Variants in PTPRD observed in about 807,000 individuals in gnomAD.
The protein encoded by PTPRD is protein tyrosine phosphatase receptor type D.
A neutral mutation model predicts 214.5 loss-of-function variants in PTPRD; 34 were observed. The observed-to-expected ratio is 0.16, with a 90% CI of 0.12 to 0.21. The LOEUF is 0.21. Ranked by LOEUF, PTPRD falls within the 10% of genes least tolerant of loss-of-function variation. PTPRD has a pLI of 1.00. For synonymous variants in PTPRD, 1,128 were observed against 845.7 expected (o/e 1.33, Z -5.79); for missense variants, 2,545 against 2,398.7 (o/e 1.06, Z -1.27).
chr9:9,362,184 G>A (rs547417319), intron 9 of PTPRD, among the ~76,000 whole-genome samples: 13 of 151,068 alleles, frequency 8.6e-5, no homozygotes, highest in African/African-American at 2.4e-4. Flanking sequence ...GCAAATATGT[G>A]GTTGGGAAGT....
chr9:8,599,961 G>A (rs1482350634), intron 14 of PTPRD, among the ~76,000 whole-genome samples: 1 of 152,102 alleles, frequency 6.6e-6, no homozygotes, highest in South Asian at 2.1e-4. Context: ...GTGAGCACTC[G>A]CAGTGCCTAA....
chr9:8,539,996 A>T (rs915895150), intron 14 of PTPRD, among the ~76,000 whole-genome samples: 8 of 152,124 alleles, frequency 5.3e-5, no homozygotes, highest in African/African-American at 1.9e-4. Flanking sequence ...GTCCCATTGT[A>T]GTTAGGTAGG....
At chr9:10,474,954 G>A (rs575020029) in intron 2 of PTPRD, among the ~76,000 whole-genome samples, 2 of 151,972 alleles carry the variant, frequency 1.3e-5, no homozygotes, top group South Asian at 2.1e-4. Context: ...AAGAGACAAC[G>A]TACCAGTGTC....
At chr9:9,443,776 C>T (rs2089284948) in intron 8 of PTPRD, among the ~76,000 whole-genome samples, 1 of 152,052 alleles carries the variant, frequency 6.6e-6, no homozygotes, top group Non-Finnish European at 1.5e-5. Flanking sequence ...AATAGAAGTG[C>T]CAAGCTGACC....
At chr9:8,849,933 G>A (rs12685098) in intron 11 of PTPRD, among the ~76,000 whole-genome samples, 22,838 of 152,092 alleles carry the variant, frequency 0.15, 2,010 homozygotes, top group East Asian at 0.32. Context: ...AAGAAGCTGC[G>A]TATGGAGTGC....
chr9:8,653,922 C>T (rs937359095), intron 12 of PTPRD, among the ~76,000 whole-genome samples: 3 of 152,160 alleles, frequency 2.0e-5, no homozygotes, highest in Non-Finnish European at 4.4e-5. Flanking sequence ...TCAATTGTCC[C>T]ATCTCCCTAC....
intron 4 of PTPRD, among the ~76,000 whole-genome samples, chr9:9,941,773 C>T (rs1277316633): frequency 6.6e-6 from 1 of 152,118 alleles, no homozygotes; most frequent in Admixed American, 6.6e-5. Context: ...AAGGAAACTC[C>T]AGTCACTTTT....
At chr9:8,875,350 G>C (rs2098376281) in intron 11 of PTPRD, among the ~76,000 whole-genome samples, 1 of 148,434 alleles carries the variant, frequency 6.7e-6, no homozygotes, top group Non-Finnish European at 1.5e-5. Flanking sequence ...GAATGAGACT[G>C]ATCTCTACAA....
chr9:8,993,474 ATTTG>A (rs2099385384), intron 11 of PTPRD, among the ~76,000 whole-genome samples: 3 of 152,036 alleles, frequency 2.0e-5, no homozygotes, highest in Non-Finnish European at 2.9e-5. Context: ...TCTGTTGAAA[ATTTG>A]TTTGTTTCTA....
chr9:10,219,827 G>A (rs982661090), intron 3 of PTPRD, among the ~76,000 whole-genome samples: 4 of 151,248 alleles, frequency 2.6e-5, no homozygotes, highest in South Asian at 2.1e-4. Flanking sequence ...ACTATTTTGT[G>A]GCTGTTAGCC....
intron 4 of PTPRD, among the ~76,000 whole-genome samples, chr9:9,987,061 C>T (rs139303782): frequency 1.6e-4 from 25 of 152,050 alleles, no homozygotes; most frequent in Middle Eastern, 3.4e-3. Flanking sequence ...AAAGGGAAAT[C>T]GAGAGAGCTT....
intron 3 of PTPRD, among the ~76,000 whole-genome samples, chr9:10,274,989 G>T (rs2094600075): frequency 6.6e-6 from 1 of 152,068 alleles, no homozygotes; most frequent in South Asian, 2.1e-4. Flanking sequence ...ATGTAACTAG[G>T]TATTGCATAC....
intron 5 of PTPRD, among the ~76,000 whole-genome samples, chr9:9,863,354 G>C (rs745386430): frequency 3.9e-5 from 6 of 152,110 alleles, no homozygotes; most frequent in African/African-American, 9.7e-5. Context: ...AAGTTTTCTA[G>C]CTCGACACCC....
intron 8 of PTPRD, among the ~76,000 whole-genome samples, chr9:9,442,897 T>G (rs748649597): frequency 7.4e-4 from 112 of 152,330 alleles, no homozygotes; most frequent in Non-Finnish European, 1.2e-3. Context: ...CATTGTGGTG[T>G]GCATCTGTAC....
intron 8 of PTPRD, among the ~76,000 whole-genome samples, chr9:9,538,405 A>T (rs2076937312): frequency 6.6e-6 from 1 of 152,008 alleles, no homozygotes; most frequent in Non-Finnish European, 1.5e-5. Flanking sequence ...ATATATGTAT[A>T]TATTTAGTAG....
At chr9:9,260,312 C>T (rs2099979524) in intron 9 of PTPRD, among the ~76,000 whole-genome samples, 1 of 151,758 alleles carries the variant, frequency 6.6e-6, no homozygotes, top group African/African-American at 2.4e-5. Flanking sequence ...ATCTTGACTC[C>T]AAAGACTACT....
chr9:9,760,625 C>A (rs1476594264), intron 6 of PTPRD, among the ~76,000 whole-genome samples: 1 of 137,922 alleles, frequency 7.3e-6, no homozygotes, highest in Non-Finnish European at 1.6e-5. Flanking sequence ...CACACACACA[C>A]ACACACACAC....
chr9:8,339,439 T>C (rs189825407), intron 42 of PTPRD, among the ~76,000 whole-genome samples: 2 of 152,166 alleles, frequency 1.3e-5, no homozygotes, highest in African/African-American at 4.8e-5. Flanking sequence ...CTTGCACCAC[T>C]ATGGTTTGGA....
chr9:10,264,015 C>G (rs535575977), intron 3 of PTPRD, among the ~76,000 whole-genome samples: 11 of 152,308 alleles, frequency 7.2e-5, no homozygotes, highest in African/African-American at 2.6e-4. Context: ...TGGCAGCTTC[C>G]ACAGGGTGCT....
Sources: allele counts gnomAD v4.1 joint callset (sites outside exome capture counted in the v4.1 genomes callset), GRCh38; gene constraint gnomAD v4.1.1; transcripts MANE v1.5; gene names NCBI Gene and HGNC (gene_info 2026-07-23, HGNC 2026-07-21).